The following FAT4 variants were observed in gnomAD, a reference collection of about 807,000 sequenced individuals.
The protein encoded by FAT4 is FAT atypical cadherin 4, also known as protocadherin Fat 4.
In FAT4, 84 loss-of-function variants were observed where a neutral mutation model predicts 303.9. That is an observed-to-expected ratio of 0.28 (90% CI 0.23 to 0.33). The LOEUF (loss-of-function observed/expected upper bound fraction) is 0.33. Ranked by LOEUF, FAT4 falls within the 10% of genes least tolerant of loss-of-function variation. The probability of loss-of-function intolerance (pLI) is 1.00; values close to 1 mark genes in which losing one functional copy is unlikely to be tolerated. For missense variants in FAT4, 6,005 were observed against 6,146.8 expected (o/e 0.98, Z 0.77); for synonymous variants, 2,307 against 2,298.8 (o/e 1.00, Z -0.10).
At chr4:125,394,648 A>G (rs1734098476) in intron 2 of FAT4, among the ~76,000 whole-genome samples, 1 of 152,190 alleles carries the variant, frequency 6.6e-6, no homozygotes, top group Non-Finnish European at 1.5e-5. Context: ...CTAATGTTCA[A>G]TTCTTGTGTT....
chr4:125,462,776 C>A (rs1223609050), intron 10 of FAT4, among the ~76,000 whole-genome samples: 3 of 151,916 alleles, frequency 2.0e-5, no homozygotes, highest in Admixed American at 2.0e-4. Context: ...GTAAATATTT[C>A]CTTTGTATGG....
chr4:125,316,332 C>T lies in FAT4; in HGVS notation c.-12-68C>T, dbSNP rs1730583487. On this transcript the variant is annotated intron_variant, in intron 1 of 17. Transcript: ENST00000394329. This position sits in a 1 kb window ranked among gnomAD's most constrained non-coding sequence, Gnocchi z 5.7. ...GCCGTCAGCTGAATCTTTGCTGGCGCTCCTTAATCCCTGTAAATATCATTG... is the reference window on the plus strand; with the variant it reads ...GCCGTCAGCTGAATCTTTGCTGGCGTTCCTTAATCCCTGTAAATATCATTG... The T allele has an allele frequency of 6.7e-6, 10 of 1,495,696 alleles. No homozygotes were observed. The highest frequency in any genetic ancestry group is 7.1e-6 in the Non-Finnish European group (8 of 1,123,992). 92.7% of individuals were successfully genotyped at this position (1,495,696 alleles called of 1,614,324 possible). A position where few individuals can be genotyped will look rare whatever the true frequency, so the allele number is the denominator to read the frequency against.
At chr4:125,406,736 C>CTCTCATTACCTGTTTAAG (rs1734625944) in intron 3 of FAT4, 144 bp from the exon 4 acceptor site, 2 of 789,200 alleles carry the variant, frequency 2.5e-6, no homozygotes, top group African/African-American at 3.5e-5. Flanking sequence ...GTAAGTTTAT[C>CTCTCATTACCTGTTTAAG]TCTCATTACC....
At chr4:125,445,719 A>T (rs559442836) in intron 8 of FAT4, among the ~76,000 whole-genome samples, 2 of 152,250 alleles carry the variant, frequency 1.3e-5, no homozygotes, top group East Asian at 3.9e-4. Context: ...CTCTCCTGAC[A>T]AGAAAGCAAC....
chr4:125,452,817 C>G lies in FAT4; in HGVS notation c.11800+7C>G. The G allele has an allele frequency of 6.3e-7, 1 of 1,597,428 alleles. No homozygotes were observed. Among genetic ancestry groups the G allele is most frequent in the Non-Finnish European group, 8.5e-7 (1 of 1,171,472 alleles). ...TGCAAAACTGGATACACAGGTATGACAACGTTTGTACTTTTCTCACTAAGA... is the reference window on the plus strand; with the variant it reads ...TGCAAAACTGGATACACAGGTATGAGAACGTTTGTACTTTTCTCACTAAGA... On this transcript the variant is annotated splice_region_variant and intron_variant, in intron 10 of 17. Coordinates refer to ENST00000394329, the MANE Select transcript of FAT4 (RefSeq NM_001291303.3).
At chr4:125,437,381 G>T (rs140422127) in intron 8 of FAT4, among the ~76,000 whole-genome samples, 92 of 152,288 alleles carry the variant, frequency 6.0e-4, no homozygotes, top group African/African-American at 2.1e-3. Context: ...AGACAACAGA[G>T]GAAATGCAGG....
At chr4:125,404,225 T>C (rs1158520501) in intron 3 of FAT4, among the ~76,000 whole-genome samples, 1 of 152,050 alleles carries the variant, frequency 6.6e-6, no homozygotes, top group Non-Finnish European at 1.5e-5. Context: ...TTCAGCAACT[T>C]GGGGGAAATG....
At chr4:125,326,184 A>T (rs1693724460) in intron 2 of FAT4, among the ~76,000 whole-genome samples, 1 of 152,102 alleles carries the variant, frequency 6.6e-6, no homozygotes, top group South Asian at 2.1e-4. Context: ...ATAATAAATT[A>T]ATTTATTTTC....
chr4:125,448,512 C>T lies in FAT4; in HGVS notation c.7502C>T (p.Ser2501Phe), dbSNP rs774408357. 1.2e-6 allele frequency: 2 copies of T among 1,613,220 alleles called. No individual in the cohort carries two copies. Among genetic ancestry groups the T allele is most frequent in the Admixed American group, 3.3e-5 (2 of 59,918 alleles). ...ACAGATGCTGATATTGGACCAAATT[C>T]TGAACTGCATTATTCTCTTTCGGGT... ...TVTDADIGPNSELHYSLSGRN... is the reference protein window; with the variant it reads ...TVTDADIGPNFELHYSLSGRN... The change falls in exon 10 of 18, where the codon TCT becomes TTT. Residue 2501 changes from serine to phenylalanine, a missense_variant. Physicochemically the swap from Ser to Phe is radical, Grantham distance 155. Transcript: ENST00000394329.
chr4:125,322,878 C>T (rs1325949178), intron 2 of FAT4, among the ~76,000 whole-genome samples: 1 of 151,928 alleles, frequency 6.6e-6, no homozygotes, highest in African/African-American at 2.4e-5. Flanking sequence ...TCTTTACCTA[C>T]ATAGCACTGA....
chr4:125,448,395 T>C, intron 9 of FAT4, 66 bp from the exon 10 acceptor site: 1 of 1,447,314 alleles, frequency 6.9e-7, no homozygotes, highest in Non-Finnish European at 9.3e-7. Context: ...TTATATGCAC[T>C]TATCTGCTAC....
At chr4:125,367,803 C>A (rs1221888801) in intron 2 of FAT4, among the ~76,000 whole-genome samples, 13 of 152,114 alleles carry the variant, frequency 8.5e-5, no homozygotes. Context: ...TAAGAAAGTA[C>A]TGCAAAATAG....
intron 7 of FAT4, among the ~76,000 whole-genome samples, chr4:125,421,565 T>A (rs1488668320): frequency 1.3e-5 from 2 of 152,182 alleles, no homozygotes; most frequent in Non-Finnish European, 2.9e-5. Context: ...CACTACTCTT[T>A]CAGGGAACTG....
rs367679452 is a variant in FAT4, at chr4:125,414,627, T to C, written c.5921-257T>C. On this transcript the variant is annotated intron_variant, in intron 5 of 17. Coordinates refer to ENST00000394329, the MANE Select transcript of FAT4 (RefSeq NM_001291303.3). Reference sequence around the variant, plus strand: ...GTTAGTGTTGGACCATCAGGAATTATGTGATAGAAACAAGGAAATATATAG... The same window carrying C: ...GTTAGTGTTGGACCATCAGGAATTACGTGATAGAAACAAGGAAATATATAG... Among the ~76,000 whole-genome samples the C allele has an allele frequency of 5.4e-4, 82 of 152,304 alleles. 2 individuals are homozygous for C. The South Asian group carries it at 0.015, about 28-fold the overall frequency.
chr4:125,368,557 A>C (rs1032399928), intron 2 of FAT4, among the ~76,000 whole-genome samples: 3 of 147,744 alleles, frequency 2.0e-5, no homozygotes, highest in African/African-American at 7.4e-5. Context: ...ATATTGGATA[A>C]AAAATGTTAA....
rs60144993 is a variant in FAT4 at position 125,489,847 on chromosome 4, C to CT, written c.13085-33dup. 1.2e-3 allele frequency: 533 copies of CT among 448,392 alleles called. 17 individuals carry two copies. Among genetic ancestry groups the CT allele is most frequent in the East Asian group, 3.5e-3 (46 of 13,264 alleles). 27.8% of individuals were successfully genotyped at this position (448,392 alleles called of 1,614,324 possible). On this transcript the variant is annotated intron_variant, in intron 17 of 17. Coordinates refer to ENST00000394329, the MANE Select transcript of FAT4 (RefSeq NM_001291303.3). ...AGAACCCAGCAGTGTAGTATAAGCT[C>CT]TTTTTTTTTTTTTTTTTTTTTGTAA... is the stretch of plus-strand genomic sequence containing the variant.
At chr4:125,402,790 C>T (rs746553760) in intron 3 of FAT4, among the ~76,000 whole-genome samples, 67 of 152,096 alleles carry the variant, frequency 4.4e-4, no homozygotes, top group Non-Finnish European at 8.2e-4. Flanking sequence ...AACTTACCTT[C>T]TTCCTAATAT....
intron 8 of FAT4, among the ~76,000 whole-genome samples, chr4:125,435,498 T>C (rs973906332): frequency 6.6e-6 from 1 of 152,224 alleles, no homozygotes; most frequent in Non-Finnish European, 1.5e-5. Context: ...CTTATTTTGT[T>C]GTTTGTTACC....
chr4:125,385,005 TATATATATATATA>T (rs1733680767), intron 2 of FAT4, among the ~76,000 whole-genome samples: 1 of 104,992 alleles, frequency 9.5e-6, no homozygotes, highest in African/African-American at 3.5e-5. Flanking sequence ...TATATACATA[TATATATATATATA>T]TATATATTTT....
Sources: gnomAD v4.1 joint callset for allele counts (sites outside exome capture counted in the v4.1 genomes callset) on GRCh38, gnomAD v4.1.1 for gene constraint, Gnocchi (gnomAD v3.1) non-coding constraint, MANE v1.5 for transcripts, NCBI Gene and HGNC (gene_info 2026-07-23, HGNC 2026-07-21) for gene names.